P4HA1: variants seen among roughly 807,000 people sequenced by gnomAD.
P4HA1 encodes the protein prolyl 4-hydroxylase subunit alpha 1.
P4HA1 carries 24 observed loss-of-function variants against 72.8 expected under a neutral mutation model. The observed-to-expected ratio is 0.33, with a 90% CI of 0.24 to 0.46. The LOEUF is 0.46. Among genes scored for constraint, P4HA1 ranks in the 20% least tolerant of loss-of-function variants. The pLI is 1.00. For synonymous variants in P4HA1, 201 were observed against 218.8 expected (o/e 0.92, Z 0.72); for missense variants, 446 against 640.6 (o/e 0.70, Z 3.28).
intron 1 of P4HA1, among the ~76,000 whole-genome samples, chr10:73,089,844 G>A (rs1428793212): frequency 6.6e-6 from 1 of 152,078 alleles, no homozygotes; most frequent in African/African-American, 2.4e-5. Context: ...GCAAAAGAAG[G>A]GATTACAAAA....
intron 1 of P4HA1, among the ~76,000 whole-genome samples, chr10:73,075,528 T>TA (rs1402907194): frequency 6.6e-6 from 1 of 152,188 alleles, no homozygotes; most frequent in African/African-American, 2.4e-5. Flanking sequence ...CTTTTTCATA[T>TA]AGCCTGAAAA....
chr10:73,057,469 G>A (rs1415348536), intron 5 of P4HA1, among the ~76,000 whole-genome samples: 2 of 151,628 alleles, frequency 1.3e-5, no homozygotes, highest in Non-Finnish European at 2.9e-5. Flanking sequence ...CAGCCTGGGC[G>A]ACGGAGCGAG....
intron 10 of P4HA1, among the ~76,000 whole-genome samples, chr10:73,017,845 G>T (rs1054949184): frequency 6.6e-5 from 10 of 152,032 alleles, no homozygotes; most frequent in African/African-American, 2.4e-4. Context: ...AAAGTGAAGA[G>T]AATGATACTT....
chr10:73,039,246 T>C (rs1212243663), intron 9 of P4HA1, among the ~76,000 whole-genome samples: 2 of 152,020 alleles, frequency 1.3e-5, no homozygotes, highest in East Asian at 1.9e-4. Context: ...ATCATGCCAC[T>C]GGACTTAGGC....
chr10:73,092,747 AG>A (rs1448726863), intron 1 of P4HA1, among the ~76,000 whole-genome samples: 2 of 152,166 alleles, frequency 1.3e-5, no homozygotes, highest in East Asian at 3.9e-4. Context: ...GTAATTATAC[AG>A]GTTGATAAAA....
At chr10:73,012,943 G>A (rs1839940528) in intron 12 of P4HA1, among the ~76,000 whole-genome samples, 1 of 151,986 alleles carries the variant, frequency 6.6e-6, no homozygotes, top group South Asian at 2.1e-4. Flanking sequence ...CTACAGGTGT[G>A]TGCCACCACA....
chr10:73,071,361 A>G (rs2133130707), intron 4 of P4HA1: 1 of 152,058 alleles, frequency 6.6e-6, no homozygotes, highest in Non-Finnish European at 1.5e-5. Flanking sequence ...AACACTGGTA[A>G]GTACCCTTGG....
At chr10:73,047,694 TCCCTTCAATCATCTATGTATTATATTA>T (rs1296409135) in intron 7 of P4HA1, among the ~76,000 whole-genome samples, 1 of 152,014 alleles carries the variant, frequency 6.6e-6, no homozygotes, top group East Asian at 1.9e-4. Flanking sequence ...CAAAACAAAT[TCCCTTCAATCATCTATGTATTATATTA>T]ATAAGTTATT....
chr10:73,018,707 G>C lies in P4HA1; in HGVS notation c.1249-1808C>G, dbSNP rs150351211. ...GCCCTATTGGCTCAGGCTCCTAATA[G>C]AGCCAAACCCTGCATCCCAGACTCA... On this transcript the variant is annotated intron_variant, in intron 10 of 14. Transcript: ENST00000394890. Among the ~76,000 whole-genome samples the C allele has an allele frequency of 6.6e-5, 10 of 152,020 alleles. 1 individual carries two copies. Among genetic ancestry groups the C allele is most frequent in the African/African-American group, 2.4e-4 (10 of 41,458 alleles).
chr10:73,079,563 G>A (rs985321024), intron 1 of P4HA1, among the ~76,000 whole-genome samples: 1 of 152,094 alleles, frequency 6.6e-6, no homozygotes, highest in African/African-American at 2.4e-5. Flanking sequence ...CCAACATGGT[G>A]AAACCCCGTC....
At chr10:73,048,104 T>C (rs2133091770) in intron 7 of P4HA1, among the ~76,000 whole-genome samples, 1 of 151,984 alleles carries the variant, frequency 6.6e-6, no homozygotes, top group South Asian at 2.1e-4. Context: ...GGAATATGAG[T>C]AGTCTGTTTC....
At position 73,030,665 on chromosome 10, in the gene P4HA1, A is replaced by G. The variant is rs1025283830; in HGVS notation, c.1149-295T>C. On this transcript the variant is annotated intron_variant, in intron 9 of 14. Coordinates refer to ENST00000394890, the MANE Select transcript of P4HA1 (RefSeq NM_001017962.3). ...GCTATATTGAAAGCCACCTACATTG[A>G]GAACTTCAAAAAATTCTTTAAAAAA... 4.6e-5 allele frequency among the ~76,000 whole-genome samples: 7 copies of G among 152,352 alleles called. No homozygotes were observed. The South Asian group carries it at 1.0e-3, about 23-fold the overall frequency.
At chr10:73,026,334 T>C (rs1589582322) in intron 10 of P4HA1, among the ~76,000 whole-genome samples, 1 of 152,216 alleles carries the variant, frequency 6.6e-6, no homozygotes, top group African/African-American at 2.4e-5. Context: ...TTGACGAACC[T>C]GACAAAAACA....
Position 73,045,005 on chromosome 10 carries a change from G to A in P4HA1, c.1124C>T (p.Thr375Met), listed in dbSNP as rs145054165. The stretch of plus-strand genomic sequence containing the variant: ...CCTTTTGCTAATTCTGTAATGTACC[G>A]TCTCCAAGTCTCCTGTTATTGGGTT... ...ISNPITGDLE[T>M]VHYRISKSAW... The change falls in exon 9 of 15, where the codon ACG becomes ATG. Residue 375 changes from threonine to methionine, a missense_variant. Transcript: ENST00000394890. 214 of 1,613,326 alleles carry A rather than the reference G, an allele frequency of 1.3e-4. No individual in the cohort carries two copies. The African/African-American group carries it at 2.3e-3, about 18-fold the overall frequency.
intron 5 of P4HA1, chr10:73,065,421 G>C (rs779162926): frequency 5.9e-5 from 9 of 152,158 alleles, no homozygotes; most frequent in Non-Finnish European, 8.8e-5. Flanking sequence ...TAGGCCCAAA[G>C]AGGCAAAAGA....
intron 3 of P4HA1, among the ~76,000 whole-genome samples, chr10:73,073,437 T>G (rs1280369110): frequency 6.6e-6 from 1 of 151,844 alleles, no homozygotes; most frequent in Admixed American, 6.6e-5. Flanking sequence ...GCCAGGCTGG[T>G]CTTGAACTCC....
At position 73,051,073 on chromosome 10, in the gene P4HA1, G is replaced by A. The variant is rs1428871641; in HGVS notation, c.880C>T (p.Arg294Cys). 17 of 1,613,672 alleles carry A rather than the reference G, an allele frequency of 1.1e-5. No homozygotes were observed. Among genetic ancestry groups the A allele is most frequent in the Non-Finnish European group, 1.4e-5 (17 of 1,179,838 alleles). ...TTTACCATTTTGATACCCTCCCCAC[G>A]GCACAGCATTTCGTACTTCTGTCTC... ...PERQKYEMLC[R>C]GEGIKMTPRR... is the part of the protein sequence containing the mutation. The change falls in exon 7 of 15, where the codon CGT becomes TGT. Residue 294 changes from arginine to cysteine, a missense_variant. Transcript: ENST00000394890.
chr10:73,050,568 C>T (rs973529212), intron 7 of P4HA1, among the ~76,000 whole-genome samples: 2 of 151,800 alleles, frequency 1.3e-5, no homozygotes, highest in African/African-American at 4.8e-5. Context: ...GGTATGGTGG[C>T]GGGCACCTGT....
Position 73,039,438 on chromosome 10 carries a change from T to C in P4HA1, c.1148+5543A>G, listed in dbSNP as rs192625258. On this transcript the variant is annotated intron_variant, in intron 9 of 14. Transcript: ENST00000394890. Reference sequence around the variant, plus strand: ...TCTCCTGCCTCAGCCTCCCCAGTAGTTGGGACCACAGGCACCCGCCACCAT... The same window carrying C: ...TCTCCTGCCTCAGCCTCCCCAGTAGCTGGGACCACAGGCACCCGCCACCAT... Among the ~76,000 whole-genome samples the C allele has an allele frequency of 1.5e-3, 228 of 152,008 alleles. 9 individuals carry two copies. In the East Asian group the frequency reaches 0.04, roughly 27 times the overall value.
Sources: allele counts gnomAD v4.1 joint callset (sites outside exome capture counted in the v4.1 genomes callset), GRCh38; gene constraint gnomAD v4.1.1; transcripts MANE v1.5; gene names NCBI Gene and HGNC (gene_info 2026-07-23, HGNC 2026-07-21).